CLASP1: variants seen among roughly 807,000 people sequenced by gnomAD.
The protein encoded by CLASP1 is cytoplasmic linker associated protein 1.
Under a neutral mutation model 192.3 loss-of-function variants are expected in CLASP1, and 38 were observed. The observed-to-expected ratio is 0.20, with a 90% CI of 0.15 to 0.26. The LOEUF (loss-of-function observed/expected upper bound fraction) is 0.26. Ranked by LOEUF, CLASP1 falls within the 10% of genes least tolerant of loss-of-function variation. CLASP1 has a pLI of 1.00. For synonymous variants in CLASP1, 691 were observed against 712.8 expected (o/e 0.97, Z 0.49); for missense variants, 1,433 against 1,932.5 (o/e 0.74, Z 4.85).
chr2:121,565,038 G>A (rs2059387020), intron 2 of CLASP1, among the ~76,000 whole-genome samples: 1 of 152,166 alleles, frequency 6.6e-6, no homozygotes, highest in Middle Eastern at 3.2e-3. Flanking sequence ...GGCCAGGCTG[G>A]GGCCCCTGCA....
chr2:121,632,984 G>T (rs201590043), intron 1 of CLASP1, among the ~76,000 whole-genome samples: 1 of 136,714 alleles, frequency 7.3e-6, no homozygotes, highest in Non-Finnish European at 1.6e-5. Context: ...GTGTGTGTGT[G>T]TGTATATATA....
chr2:121,514,055 A>C (rs1223375609), intron 7 of CLASP1, among the ~76,000 whole-genome samples: 1 of 152,234 alleles, frequency 6.6e-6, no homozygotes, highest in Non-Finnish European at 1.5e-5. Flanking sequence ...GCCTGTAAGC[A>C]GGCCTTTCTA....
chr2:121,537,209 T>G (rs536481960), intron 2 of CLASP1, among the ~76,000 whole-genome samples: 1 of 151,980 alleles, frequency 6.6e-6, no homozygotes, highest in East Asian at 1.9e-4. Context: ...CTTAGCAACA[T>G]GGCAAAATCC....
chr2:121,346,343 C>T (rs1434452549), intron 39 of CLASP1, among the ~76,000 whole-genome samples: 1 of 152,264 alleles, frequency 6.6e-6, no homozygotes, highest in Non-Finnish European at 1.5e-5. Context: ...TTAATCTGCT[C>T]TCACCAGCCT....
chr2:121,448,402 T>C (rs1394607431), intron 17 of CLASP1, 77 bp from the exon 18 acceptor site: 1 of 1,249,786 alleles, frequency 8.0e-7, no homozygotes, highest in Non-Finnish European at 1.2e-6. Context: ...AACAGGAAAT[T>C]ATTACAATGA....
chr2:121,367,876 G>C (rs2149265511), intron 34 of CLASP1, 45 bp from the exon 36 acceptor site: 3 of 1,595,230 alleles, frequency 1.9e-6, no homozygotes, highest in East Asian at 4.5e-5. Flanking sequence ...ACTTGTAATG[G>C]ACATTTCCTT....
chr2:121,382,398 C>T, intron 32 of CLASP1, 74 bp from the exon 34 acceptor site: 4 of 856,798 alleles, frequency 4.7e-6, no homozygotes, highest in Non-Finnish European at 7.2e-6. Context: ...GAAAGCACTA[C>T]ACACTAAGTG....
At chr2:121,605,995 G>A (rs774838287) in exon 2 of CLASP1, 15 of 970,060 alleles carry the variant, frequency 1.5e-5, no homozygotes, top group Non-Finnish European at 2.3e-5. Context: ...TTCGCTGAAG[G>A]TTACTAAGAG....
At chr2:121,545,142 C>T (rs1251548192) in intron 2 of CLASP1, among the ~76,000 whole-genome samples, 1 of 152,076 alleles carries the variant, frequency 6.6e-6, no homozygotes, top group Non-Finnish European at 1.5e-5. Flanking sequence ...GAACTCCTGA[C>T]AGTTCAAGTG....
At chr2:121,639,364 A>G (rs1296641369) in intron 1 of CLASP1, among the ~76,000 whole-genome samples, 1 of 152,220 alleles carries the variant, frequency 6.6e-6, no homozygotes, top group East Asian at 1.9e-4. Context: ...GATTCCATTT[A>G]TATGAAATAT....
intron 2 of CLASP1, among the ~76,000 whole-genome samples, chr2:121,550,639 G>A (rs770915242): frequency 7.0e-4 from 106 of 152,066 alleles, no homozygotes; most frequent in Non-Finnish European, 1.2e-3. Flanking sequence ...TAGAAAGCCT[G>A]GAAGAGATGA....
intron 1 of CLASP1, among the ~76,000 whole-genome samples, chr2:121,632,252 A>G (rs1052606115): frequency 2.0e-5 from 3 of 152,028 alleles, no homozygotes; most frequent in Admixed American, 6.6e-5. Context: ...AAACAAACAA[A>G]AATGTATCTT....
chr2:121,430,929 A>C (rs992299313), intron 19 of CLASP1, among the ~76,000 whole-genome samples: 1 of 152,100 alleles, frequency 6.6e-6, no homozygotes, highest in Admixed American at 6.5e-5. Context: ...GAATTCAGAA[A>C]CACAAAATCA....
rs1260303398 is a variant in CLASP1, at chr2:121,478,617, CCACACACACACATACA to C, written c.713-8673_713-8658del. On this transcript the variant is annotated intron_variant, in intron 8 of 39. Coordinates refer to ENST00000263710, the Ensembl canonical transcript of CLASP1. ...CTCCGTCTCAAAACACACACACACA[CCACACACACACATACA>C]CACACACACACCCCCCACACACACA... 1.9e-3 allele frequency among the ~76,000 whole-genome samples: 258 copies of C among 134,702 alleles called. 1 individual carries two copies. Among genetic ancestry groups the C allele is most frequent in the African/African-American group, 7.0e-3 (253 of 35,900 alleles). The allele number at this position is 134,702 out of a possible 152,430, so 88.4% of individuals were successfully genotyped here.
chr2:121,527,023 C>T (rs960195437), intron 5 of CLASP1, among the ~76,000 whole-genome samples: 24 of 152,242 alleles, frequency 1.6e-4, no homozygotes, highest in Non-Finnish European at 2.5e-4. Flanking sequence ...CCAGATTATT[C>T]GGACATTGCT....
intron 7 of CLASP1, among the ~76,000 whole-genome samples, chr2:121,515,349 T>C (rs751088824): frequency 3.3e-5 from 5 of 152,228 alleles, no homozygotes; most frequent in Non-Finnish European, 5.9e-5. Flanking sequence ...TGTACAGATA[T>C]AGATACAGAA....
chr2:121,583,484 T>C (rs1449159598), intron 2 of CLASP1, among the ~76,000 whole-genome samples: 1 of 152,200 alleles, frequency 6.6e-6, no homozygotes, highest in South Asian at 2.1e-4. Context: ...ATCAAATACA[T>C]GGTGATTATC....
At chr2:121,531,356 G>A (rs568001424) in intron 2 of CLASP1, among the ~76,000 whole-genome samples, 68 of 152,312 alleles carry the variant, frequency 4.5e-4, no homozygotes, top group African/African-American at 1.5e-3. Context: ...AGCACTTTGG[G>A]AGGCCGAGGG....
chr2:121,614,170 G>A lies in CLASP1; in HGVS notation c.-285-7990C>T, dbSNP rs533783188. 9.9e-5 allele frequency among the ~76,000 whole-genome samples: 15 copies of A among 152,280 alleles called. No homozygotes were observed. In the South Asian group the frequency reaches 2.3e-3, roughly 23 times the overall value. On this transcript the variant is annotated intron_variant, in intron 1 of 39. Coordinates refer to ENST00000263710, the Ensembl canonical transcript of CLASP1. ...ATGTTACTTCTGCCACAATCTATTG[G>A]TAAAAGCAAGTCACAAGGCCAGTCC...
Sources: allele counts gnomAD v4.1 joint callset (sites outside exome capture counted in the v4.1 genomes callset), GRCh38; gene constraint gnomAD v4.1.1; transcripts MANE v1.5; gene names NCBI Gene and HGNC (gene_info 2026-07-23, HGNC 2026-07-21).